The following CKAP2 variants were observed in gnomAD, a reference collection of about 807,000 sequenced individuals.
CKAP2 encodes the protein cytoskeleton-associated protein 2.
In CKAP2, 46 loss-of-function variants were observed where a neutral mutation model predicts 58.4. The observed-to-expected ratio is 0.79, with a 90% CI of 0.62 to 1.01. CKAP2 has a LOEUF of 1.01. Ranked by LOEUF, CKAP2 falls within the 50% of genes least tolerant of loss-of-function variation. The probability of loss-of-function intolerance (pLI) is 0.00; values close to 1 mark genes in which losing one functional copy is unlikely to be tolerated. For missense variants in CKAP2, 809 were observed against 796.4 expected (o/e 1.02, Z -0.19); for synonymous variants, 293 against 280.9 (o/e 1.04, Z -0.43).
In CKAP2 at chr13:52,468,361, A is replaced by G. The variant is rs1190651768; in HGVS notation, c.1546+14A>G. On this transcript the variant is annotated intron_variant, in intron 7 of 8. Coordinates refer to ENST00000258607, the MANE Select transcript of CKAP2 (RefSeq NM_018204.5). ...AAGCTAATTTAGGTAAGTTTTAGTT[A>G]TTTTATTTCCTTCATGTGAACTGTA... The G allele has an allele frequency of 6.7e-7, 1 of 1,484,096 alleles. No individual in the cohort carries two copies. The highest frequency in any genetic ancestry group is 1.4e-5 in the African/African-American group (1 of 70,856). The allele number at this position is 1,484,096 out of a possible 1,614,324, so 91.9% of individuals were successfully genotyped here. A position where few individuals can be genotyped will look rare whatever the true frequency, so the allele number is the denominator to read the frequency against.
Position 52,461,193 on chromosome 13 carries a change from A to C in CKAP2, c.367A>C (p.Ser123Arg), listed in dbSNP as rs1161322791. The change falls in exon 4 of 9, where the codon AGT becomes CGT. Residue 123 changes from serine to arginine, a missense_variant. This residue lies in a region of CKAP2 where 523 missense variants were observed against 492.4 expected (regional missense o/e 1.06). Transcript: ENST00000258607. ...VVIDTHKPKD[S>R]NQTPHLLLTE... ...AATTGACACACATAAACCTAAGGAT[A>C]GTAATCAAACTCCGCATTTGTTACT... The C allele has an allele frequency of 1.2e-6, 2 of 1,614,036 alleles. No individual in the cohort carries two copies. Among genetic ancestry groups the C allele is most frequent in the African/African-American group, 2.7e-5 (2 of 75,058 alleles).
rs1277763658 is a variant in CKAP2, at chr13:52,461,382, A to G, written c.556A>G (p.Lys186Glu). ...TTATCGTGGCCAGATTGTTCAGTCT[A>G]AGATTAATTCATTTAGAAAACCTCT... ...GSYRGQIVQS[K>E]INSFRKPLQV... Residue 186 changes from lysine to glutamate, a missense_variant, in exon 4 of 9, where the codon AAG (lysine) becomes GAG (glutamate). By Grantham distance (56) the Lys-to-Glu change is moderately conservative. Coordinates refer to ENST00000258607, the MANE Select transcript of CKAP2 (RefSeq NM_018204.5). 6.2e-7 allele frequency: 1 copy of G among 1,614,134 alleles called. No individual in the cohort carries two copies. Among genetic ancestry groups the G allele is most frequent in the African/African-American group, 1.3e-5 (1 of 74,948 alleles).
At chr13:52,459,522 C>T (rs764277620) in intron 2 of CKAP2, among the ~76,000 whole-genome samples, 1 of 152,092 alleles carries the variant, frequency 6.6e-6, no homozygotes, top group East Asian at 1.9e-4. Flanking sequence ...AGGGTTTCGC[C>T]GTGTTGGCCA....
In CKAP2 at chr13:52,469,742, G is replaced by A. The variant is rs1027847897; in HGVS notation, c.1546+1395G>A. On this transcript the variant is annotated intron_variant, in intron 7 of 8. Coordinates refer to ENST00000258607, the MANE Select transcript of CKAP2 (RefSeq NM_018204.5). Reference sequence around the variant, plus strand: ...CTCCCGAGTAGCTGGGACTACAGGCGCCCGCCACCGCGCCCGGCTAATTTT... The same window carrying A: ...CTCCCGAGTAGCTGGGACTACAGGCACCCGCCACCGCGCCCGGCTAATTTT... Among the ~76,000 whole-genome samples the A allele has an allele frequency of 8.6e-4, 128 of 149,604 alleles. 1 individual carries two copies. The highest frequency in any genetic ancestry group is 3.1e-3 in the African/African-American group (124 of 40,618).
chr13:52,455,914 C>T (rs1421828005), intron 1 of CKAP2: 8 of 1,143,496 alleles, frequency 7.0e-6, no homozygotes, highest in Admixed American at 4.9e-5. Context: ...AGGCCGGGGT[C>T]GGTGTCGGAG....
rs61959703 is a variant in CKAP2 at position 52,465,948 on chromosome 13, T to C, written c.1476+483T>C. 25 of 157,566 alleles carry C rather than the reference T, an allele frequency of 1.6e-4. No homozygotes were observed. In the East Asian group the frequency reaches 2.1e-3, roughly 13 times the overall value. The allele number at this position is 157,566 out of a possible 1,614,324, so 9.8% of individuals were successfully genotyped here. ...ATATATACACACATATATATACACA[T>C]ATATATGCACACATATATACACACA... is the stretch of plus-strand genomic sequence containing the variant. On this transcript the variant is annotated intron_variant, in intron 6 of 8. Coordinates refer to ENST00000258607, the MANE Select transcript of CKAP2 (RefSeq NM_018204.5).
chr13:52,468,255 C>T (rs1314515809), intron 6 of CKAP2, 23 bp from the exon 7 acceptor site: 2 of 1,455,666 alleles, frequency 1.4e-6, no homozygotes, highest in East Asian at 2.3e-5. Context: ...CATGGATCTG[C>T]TTTCTTCATT....
chr13:52,466,271 AAT>A (rs1490497762), intron 6 of CKAP2, among the ~76,000 whole-genome samples: 3 of 152,128 alleles, frequency 2.0e-5, no homozygotes, highest in African/African-American at 7.2e-5. Flanking sequence ...ATGTTCTTCA[AAT>A]ATGTTTCCTT....
Position 52,474,978 on chromosome 13 carries a change from G to A in CKAP2, c.1886G>A (p.Arg629His), listed in dbSNP as rs73186408. Reference sequence around the variant, plus strand: ...TTAACACCAGTGAGACGTTCTCGACGTCTTCAAGAGAAAACTTCTAAATTG... The same window carrying A: ...TTAACACCAGTGAGACGTTCTCGACATCTTCAAGAGAAAACTTCTAAATTG... ...KFLTPVRRSR[R>H]LQEKTSKLPD... The change falls in exon 9 of 9, where the codon CGT becomes CAT. Residue 629 changes from arginine to histidine, a missense_variant. Arg to His is a conservative substitution (Grantham distance 29). Coordinates refer to ENST00000258607, the MANE Select transcript of CKAP2 (RefSeq NM_018204.5). The A allele has an allele frequency of 6.9e-4, 1,106 of 1,614,116 alleles. No individual in the cohort carries two copies. Among genetic ancestry groups the A allele is most frequent in the Non-Finnish European group, 8.6e-4 (1,009 of 1,179,984 alleles).
intron 8 of CKAP2, 81 bp from the exon 9 acceptor site, chr13:52,474,814 A>G: frequency 7.5e-7 from 1 of 1,338,396 alleles, no homozygotes; most frequent in Non-Finnish European, 1.0e-6. Flanking sequence ...TACAAGCTAT[A>G]TAGTATGGTA....
At chr13:52,457,539 AG>A (rs1457352102) in intron 2 of CKAP2, among the ~76,000 whole-genome samples, 1 of 152,192 alleles carries the variant, frequency 6.6e-6, no homozygotes, top group Non-Finnish European at 1.5e-5. Flanking sequence ...CTCACTCTCT[AG>A]GGATAACCAG....
Position 52,455,505 on chromosome 13 carries a change from A to T in CKAP2, c.-52A>T. 2 of 1,606,622 alleles carry T rather than the reference A, an allele frequency of 1.2e-6. No individual in the cohort carries two copies. The highest frequency in any genetic ancestry group is 4.5e-5 in the East Asian group (2 of 44,774). On this transcript the variant is annotated 5_prime_UTR_variant, in exon 1 of 9. Coordinates refer to ENST00000258607, the MANE Select transcript of CKAP2 (RefSeq NM_018204.5). ...AGACTGCGGCGGCGGTGGTCTGAGG[A>T]AGTTCTATCTTGGCGCTAAAGCGGA... is the stretch of plus-strand genomic sequence containing the variant.
chr13:52,474,845 T>C, intron 8 of CKAP2, 50 bp from the exon 9 acceptor site: 1 of 1,563,180 alleles, frequency 6.4e-7, no homozygotes, highest in African/African-American at 1.4e-5. Context: ...AAGTACAGAG[T>C]AAAAATGTTA....
chr13:52,463,347 G>A (rs1310068818), intron 5 of CKAP2, among the ~76,000 whole-genome samples: 1 of 152,148 alleles, frequency 6.6e-6, no homozygotes, highest in Non-Finnish European at 1.5e-5. Flanking sequence ...GAAAGCAAAG[G>A]TGTCACTTTG....
chr13:52,472,989 G>A (rs986803256), intron 7 of CKAP2, among the ~76,000 whole-genome samples: 9 of 151,838 alleles, frequency 5.9e-5, no homozygotes, highest in East Asian at 1.9e-4. Context: ...GCTGCAGTGA[G>A]CTAAGATTAT....
intron 6 of CKAP2, 44 bp from the exon 7 acceptor site, chr13:52,468,234 A>G (rs778201615): frequency 8.0e-7 from 1 of 1,243,166 alleles, no homozygotes; most frequent in Admixed American, 2.2e-5. Context: ...TGTCAGAGAA[A>G]ATAAAACTTA....
Position 52,461,744 on chromosome 13 carries a change from T to C in CKAP2, c.918T>C (p.Gly306=). 6.2e-7 allele frequency: 1 copy of C among 1,613,564 alleles called. No individual in the cohort carries two copies. Among genetic ancestry groups the C allele is most frequent in the Non-Finnish European group, 8.5e-7 (1 of 1,179,638 alleles). ...LSSVKTSSSQ[G]IIRNKTLSRS... is the part of the protein sequence containing the mutation. ...GTGTCAAAACCAGTTCTTCTCAAGG[T>C]ATAATAAGAAATAAGACTCTATCAA... The change falls in exon 4 of 9, where the codon GGT becomes GGC. Residue 306 remains glycine, a synonymous_variant. Transcript: ENST00000258607.
At position 52,455,567 on chromosome 13, in the gene CKAP2, C is replaced by G. The variant is rs781503100; in HGVS notation, c.11C>G (p.Pro4Arg). 4.3e-6 allele frequency: 7 copies of G among 1,612,762 alleles called. No individual in the cohort carries two copies. In the South Asian group the frequency reaches 7.7e-5, roughly 18 times the overall value. The change falls in exon 1 of 9, where the codon CCG (proline) becomes CGG (arginine). Residue 4 changes from proline to arginine, a missense_variant. By Grantham distance (103) the Pro-to-Arg change is moderately radical. Transcript: ENST00000258607. MSTPAVPQDLQLPP... is the reference protein window; with the variant it reads MSTRAVPQDLQLPP... ...CGACCCGAGGCTACGATGAGCACAC[C>G]GGCCGTGCCCCAGGACCTGCAGCTG...
intron 2 of CKAP2, among the ~76,000 whole-genome samples, chr13:52,456,984 C>T (rs763835425): frequency 6.6e-6 from 1 of 152,044 alleles, no homozygotes; most frequent in Non-Finnish European, 1.5e-5. Flanking sequence ...CCTCCACCTT[C>T]TGGGTTCAAG....
Sources: allele counts gnomAD v4.1 joint callset (sites outside exome capture counted in the v4.1 genomes callset), GRCh38; gene constraint gnomAD v4.1.1; regional missense constraint gnomAD v4.1.1; transcripts MANE v1.5; gene names NCBI Gene and HGNC (gene_info 2026-07-23, HGNC 2026-07-21).